HIVEP2: variants seen among roughly 807,000 people sequenced by gnomAD.
The protein encoded by HIVEP2 is HIVEP zinc finger 2.
HIVEP2 carries 14 observed loss-of-function variants against 180.7 expected under a neutral mutation model. The ratio of observed to expected loss-of-function variants is 0.08; its 90% confidence interval spans 0.05 to 0.12. HIVEP2 has a LOEUF of 0.12. Ranked by LOEUF, HIVEP2 falls within the 10% of genes least tolerant of loss-of-function variation. The probability of loss-of-function intolerance (pLI) is 1.00; values close to 1 mark genes in which losing one functional copy is unlikely to be tolerated. For synonymous variants in HIVEP2, 1,184 were observed against 1,136.4 expected, an observed-to-expected ratio of 1.04 and a Z score of -0.84; for missense variants, 2,579 against 3,008.5, an observed-to-expected ratio of 0.86 and a Z score of 3.34.
Position 142,760,329 on chromosome 6 carries a change from T to G in HIVEP2, c.5959A>C (p.Ser1987Arg). 6.2e-7 allele frequency: 1 copy of G among 1,614,206 alleles called. No homozygotes were observed. Among genetic ancestry groups the G allele is most frequent in the Non-Finnish European group, 8.5e-7 (1 of 1,180,010 alleles). The change falls in exon 9 of 10, where the codon AGT (serine) becomes CGT (arginine). Residue 1987 changes from serine to arginine, a missense_variant. Transcript: ENST00000367603. ...ATCTGGGTATCTTCACATGAATCAC[T>G]GGGTGTCATAAGCTGAGTAACTCGA... ...SIRVTQLMTPSDSCEDTQMTE... is the reference protein window; with the variant it reads ...SIRVTQLMTPRDSCEDTQMTE...
At chr6:142,853,523 CA>C (rs1293798876) in intron 1 of HIVEP2, among the ~76,000 whole-genome samples, 1 of 152,180 alleles carries the variant, frequency 6.6e-6, no homozygotes, top group African/African-American at 2.4e-5. Flanking sequence ...GGCCACCCTT[CA>C]AAAGCCTGTA....
intron 1 of HIVEP2, among the ~76,000 whole-genome samples, chr6:142,857,096 C>A (rs78035912): frequency 0.021 from 3,237 of 152,182 alleles, 131 homozygotes; most frequent in East Asian, 0.17. Context: ...GAAACAACAT[C>A]TCTGTAACCC....
chr6:142,926,041 C>T (rs1258461033), intron 1 of HIVEP2, among the ~76,000 whole-genome samples: 1 of 152,108 alleles, frequency 6.6e-6, no homozygotes, highest in Non-Finnish European at 1.5e-5. Flanking sequence ...ATGGAAGACA[C>T]GTAAGATTCA....
chr6:142,901,826 G>C (rs1402780077), intron 1 of HIVEP2, among the ~76,000 whole-genome samples: 1 of 152,086 alleles, frequency 6.6e-6, no homozygotes, highest in Non-Finnish European at 1.5e-5. Flanking sequence ...GTCTTAACCA[G>C]AACAGCAAAA....
At chr6:142,793,636 CTTTCTTTCTTTCTTTCTTTCTTT>C (rs1562521196) in intron 2 of HIVEP2, among the ~76,000 whole-genome samples, 1 of 33,374 alleles carries the variant, frequency 3.0e-5, no homozygotes, top group African/African-American at 1.2e-4. Context: ...TTCTTTCTTT[CTTTCTTTCTTTCTTTCTTTCTTT>C]TTTCTTTCTT....
chr6:142,830,326 C>A (rs1775044697), intron 2 of HIVEP2, among the ~76,000 whole-genome samples: 1 of 152,138 alleles, frequency 6.6e-6, no homozygotes, highest in African/African-American at 2.4e-5. Context: ...AAAAATGTTT[C>A]TTTGCTGTGC....
chr6:142,925,380 T>C (rs1345381477), intron 1 of HIVEP2, among the ~76,000 whole-genome samples: 2 of 152,194 alleles, frequency 1.3e-5, no homozygotes, highest in Admixed American at 6.5e-5. Context: ...AATCTCCAAT[T>C]TTATTTTCTT....
intron 1 of HIVEP2, among the ~76,000 whole-genome samples, chr6:142,888,191 T>C (rs1430623590): frequency 6.6e-6 from 1 of 152,140 alleles, no homozygotes; most frequent in Non-Finnish European, 1.5e-5. Flanking sequence ...AGTATTATGA[T>C]GGGATTCTGT....
intron 2 of HIVEP2, among the ~76,000 whole-genome samples, chr6:142,783,954 G>A (rs1308854421): frequency 6.6e-6 from 1 of 152,194 alleles, no homozygotes. Flanking sequence ...TTCTTTGGGT[G>A]TATTAGCAAC....
chr6:142,762,119 T>C (rs1169830278), intron 7 of HIVEP2, among the ~76,000 whole-genome samples: 1 of 152,134 alleles, frequency 6.6e-6, no homozygotes, highest in African/African-American at 2.4e-5. Flanking sequence ...GAAAGATCCA[T>C]ACAAATAATT....
intron 7 of HIVEP2, among the ~76,000 whole-genome samples, chr6:142,764,202 T>C (rs1192165350): frequency 6.6e-6 from 1 of 152,180 alleles, no homozygotes; most frequent in Non-Finnish European, 1.5e-5. Flanking sequence ...AATCTACCTG[T>C]TAAAAACAGA....
At chr6:142,764,688 T>G in intron 7 of HIVEP2, 111 bp downstream of exon 7, 1 of 835,454 alleles carries the variant, frequency 1.2e-6, no homozygotes, top group East Asian at 2.7e-5. Flanking sequence ...GAATCATATT[T>G]TCACAAACAA....
chr6:142,789,838 A>G (rs1339283251), intron 2 of HIVEP2, among the ~76,000 whole-genome samples: 1 of 152,228 alleles, frequency 6.6e-6, no homozygotes, highest in East Asian at 1.9e-4. Flanking sequence ...TCAAAGAAAC[A>G]GAAAATAACA....
chr6:142,816,922 A>T (rs1664486607), intron 2 of HIVEP2, among the ~76,000 whole-genome samples: 1 of 152,078 alleles, frequency 6.6e-6, no homozygotes, highest in South Asian at 2.1e-4. Context: ...ACACACAAAC[A>T]CGCTATCTCT....
At position 142,772,416 on chromosome 6, in the gene HIVEP2, C is replaced by G. The variant is rs1775572032; in HGVS notation, c.2323G>C (p.Glu775Gln). Residue 775 changes from glutamate to glutamine, a missense_variant, in exon 5 of 10, where the codon GAG (glutamate) becomes CAG (glutamine). Transcript: ENST00000367603. The surrounding 1 kb of genome is among the most constrained non-coding windows in gnomAD (Gnocchi z 4.9). The part of the protein sequence containing the change: ...LQPGSPSLVS[E>Q]ESPSAIDSDK... Reference sequence around the variant, plus strand: ...GAATCAATGGCTGAAGGTGACTCCTCTGACACAAGAGATGGACTTCCAGGC... The same window carrying G: ...GAATCAATGGCTGAAGGTGACTCCTGTGACACAAGAGATGGACTTCCAGGC... The G allele has an allele frequency of 1.2e-6, 2 of 1,614,238 alleles. No individual in the cohort carries two copies. Among genetic ancestry groups the G allele is most frequent in the East Asian group, 4.5e-5 (2 of 44,886 alleles).
At position 142,796,153 on chromosome 6, in the gene HIVEP2, T is replaced by C. The variant is rs751403672; in HGVS notation, c.-527-12538A>G. 1.4e-4 allele frequency among the ~76,000 whole-genome samples: 21 copies of C among 152,278 alleles called. No homozygotes were observed. The East Asian group carries it at 3.1e-3, about 22-fold the overall frequency. On this transcript the variant is annotated intron_variant, in intron 2 of 9. Coordinates refer to ENST00000367603, the MANE Select transcript of HIVEP2 (RefSeq NM_006734.4). ...GAAACCCAAGCTGAAGAAATGTTAA[T>C]GTCTAGGCCCTAACTAAAACTTCCT...
chr6:142,915,677 C>G (rs956252722), intron 1 of HIVEP2, among the ~76,000 whole-genome samples: 5 of 152,146 alleles, frequency 3.3e-5, no homozygotes, highest in African/African-American at 1.2e-4. Flanking sequence ...GGTGGCATCA[C>G]TCCCTTGAAT....
chr6:142,867,950 C>G (rs762603060), intron 1 of HIVEP2, among the ~76,000 whole-genome samples: 6 of 152,096 alleles, frequency 3.9e-5, no homozygotes, highest in Non-Finnish European at 7.4e-5. Context: ...AACAGTCTCA[C>G]GGTCATCCAT....
At chr6:142,901,565 C>T (rs1038226020) in intron 1 of HIVEP2, among the ~76,000 whole-genome samples, 2 of 151,776 alleles carry the variant, frequency 1.3e-5, no homozygotes, top group Non-Finnish European at 3.0e-5. Context: ...GTCTATGCTG[C>T]CCCTCCTTTT....
Sources: allele counts gnomAD v4.1 joint callset (sites outside exome capture counted in the v4.1 genomes callset), GRCh38; gene constraint gnomAD v4.1.1; non-coding constraint Gnocchi (gnomAD v3.1); transcripts MANE v1.5; gene names NCBI Gene and HGNC (gene_info 2026-07-23, HGNC 2026-07-21).